The following CHRM3 variants were observed in gnomAD, a reference collection of about 807,000 sequenced individuals.
The protein encoded by CHRM3 is muscarinic acetylcholine receptor M3.
A neutral mutation model predicts 41.8 loss-of-function variants in CHRM3; 11 were observed. That is an observed-to-expected ratio of 0.26 (90% CI 0.17 to 0.44). The LOEUF (loss-of-function observed/expected upper bound fraction) is 0.44, where lower values mean the gene tolerates loss of function less well. CHRM3 is among the 20% of genes least tolerant of loss of function. CHRM3 has a pLI of 1.00. For synonymous variants in CHRM3, 297 were observed against 301.4 expected (o/e 0.99, Z 0.15); for missense variants, 571 against 745.4 (o/e 0.77, Z 2.72).
intron 3 of CHRM3, among the ~76,000 whole-genome samples, chr1:239,631,290 G>A (rs181594322): frequency 2.5e-4 from 38 of 152,174 alleles, no homozygotes; most frequent in African/African-American, 7.2e-4. Flanking sequence ...GATGACACTC[G>A]CAGAGGTTTC....
intron 3 of CHRM3, among the ~76,000 whole-genome samples, chr1:239,609,522 G>A (rs1227582961): frequency 2.0e-5 from 3 of 152,210 alleles, no homozygotes; most frequent in Admixed American, 6.5e-5. Flanking sequence ...GGAGTAGAAT[G>A]TCTGGTTGTA....
chr1:239,838,320 G>A (rs1673498121), intron 6 of CHRM3, among the ~76,000 whole-genome samples: 1 of 152,094 alleles, frequency 6.6e-6, no homozygotes, highest in Non-Finnish European at 1.5e-5. Context: ...GAAGGTGTTT[G>A]GGCAGAAAGG....
At chr1:239,565,824 A>G (rs753704525) in intron 3 of CHRM3, among the ~76,000 whole-genome samples, 1 of 152,056 alleles carries the variant, frequency 6.6e-6, no homozygotes, top group Non-Finnish European at 1.5e-5. Context: ...ATCACTTCCA[A>G]TAGAGAAAAT....
chr1:239,612,799 G>A (rs1455116843), intron 3 of CHRM3, among the ~76,000 whole-genome samples: 3 of 152,272 alleles, frequency 2.0e-5, no homozygotes, highest in East Asian at 1.9e-4. Context: ...GTAGAACTGC[G>A]TATTGATCAG....
intron 5 of CHRM3, among the ~76,000 whole-genome samples, chr1:239,715,374 G>A (rs1300145240): frequency 6.6e-6 from 1 of 152,142 alleles, no homozygotes; most frequent in East Asian, 1.9e-4. Flanking sequence ...CGTGTGTGCA[G>A]TGGTGTTCTG....
intron 3 of CHRM3, among the ~76,000 whole-genome samples, chr1:239,615,152 T>C (rs986337063): frequency 1.3e-5 from 2 of 152,188 alleles, no homozygotes; most frequent in Non-Finnish European, 2.9e-5. Flanking sequence ...TCTCGTCATA[T>C]AAAAATAGTA....
intron 4 of CHRM3, among the ~76,000 whole-genome samples, chr1:239,652,133 G>T (rs1672302646): frequency 6.6e-6 from 1 of 152,078 alleles, no homozygotes; most frequent in Admixed American, 6.6e-5. Context: ...TCAGCTTTTT[G>T]AATGTGAATC....
chr1:239,907,444 G>A lies in CHRM3; in HGVS notation c.-8G>A. ...TCTCTTTCCCCCAGACTATGTCAGA[G>A]AGTCACAATGACCTTGCACAATAAC... On this transcript the variant is annotated 5_prime_UTR_variant, in exon 7 of 7. Transcript: ENST00000676153. The surrounding 1 kb of genome is among the most constrained non-coding windows in gnomAD (Gnocchi z 5.4). 1 of 1,606,558 alleles carries A rather than the reference G, an allele frequency of 6.2e-7. No individual in the cohort carries two copies. The highest frequency in any genetic ancestry group is 8.5e-7 in the Non-Finnish European group (1 of 1,174,712).
At chr1:239,565,318 C>T (rs1046820249) in intron 3 of CHRM3, among the ~76,000 whole-genome samples, 5 of 152,032 alleles carry the variant, frequency 3.3e-5, no homozygotes, top group African/African-American at 7.2e-5. Flanking sequence ...ATATAGTATC[C>T]GATTCTCAAG....
intron 1 of CHRM3, among the ~76,000 whole-genome samples, chr1:239,419,456 C>T (rs1661764654): frequency 6.8e-6 from 1 of 147,028 alleles, no homozygotes; most frequent in African/African-American, 2.5e-5. Flanking sequence ...GTAGATATAA[C>T]TTGTCTTGAC....
At chr1:239,802,478 G>T (rs1439014421) in intron 5 of CHRM3, among the ~76,000 whole-genome samples, 1 of 152,266 alleles carries the variant, frequency 6.6e-6, no homozygotes, top group Non-Finnish European at 1.5e-5. Context: ...CCATCAAAAG[G>T]CTTCTCAGTG....
At chr1:239,642,075 A>C (rs1018781804) in intron 4 of CHRM3, among the ~76,000 whole-genome samples, 1 of 127,364 alleles carries the variant, frequency 7.9e-6, no homozygotes, top group African/African-American at 3.2e-5. Flanking sequence ...CTTTTCTTTA[A>C]GAATGTTGAA....
chr1:239,908,279 G>C lies in CHRM3; in HGVS notation c.828G>C (p.Glu276Asp), dbSNP rs200451506. The C allele has an allele frequency of 7.7e-5, 124 of 1,614,122 alleles. No individual in the cohort carries two copies. In the South Asian group the frequency reaches 9.6e-4, roughly 12 times the overall value. Residue 276 changes from glutamate (E) to aspartate (D), a missense_variant, in exon 7 of 7, where the codon GAG becomes GAC. This residue lies in a region of CHRM3 where 153 missense variants were observed against 296.3 expected (regional missense o/e 0.52). Transcript: ENST00000676153. This position sits in a 1 kb window ranked among gnomAD's most constrained non-coding sequence, Gnocchi z 7.2. Reference sequence around the variant, plus strand: ...TGCAAGCCTCTGGGACAGAGGCAGAGACAGAAAACTTTGTCCACCCCACGG... The same window carrying C: ...TGCAAGCCTCTGGGACAGAGGCAGACACAGAAAACTTTGTCCACCCCACGG... ...AGLQASGTEA[E>D]TENFVHPTGS...
At chr1:239,475,639 A>T (rs1445678431) in intron 1 of CHRM3, among the ~76,000 whole-genome samples, 3 of 152,210 alleles carry the variant, frequency 2.0e-5, no homozygotes, top group Non-Finnish European at 4.4e-5. Context: ...TTTAGTTAAT[A>T]ACAATGTACC....
chr1:239,611,177 G>A (rs1466735481), intron 3 of CHRM3, among the ~76,000 whole-genome samples: 1 of 152,132 alleles, frequency 6.6e-6, no homozygotes, highest in African/African-American at 2.4e-5. Flanking sequence ...AATTTGAGCT[G>A]TAACTTTATT....
At chr1:239,430,674 GAT>G (rs10524306) in intron 1 of CHRM3, among the ~76,000 whole-genome samples, 77,674 of 149,550 alleles carry the variant, frequency 0.52, 20,353 homozygotes, top group South Asian at 0.63. Flanking sequence ...ACACATACTA[GAT>G]ATATATATAT....
At chr1:239,852,174 G>A (rs954225400) in intron 6 of CHRM3, among the ~76,000 whole-genome samples, 1 of 152,160 alleles carries the variant, frequency 6.6e-6, no homozygotes, top group African/African-American at 2.4e-5. Flanking sequence ...TGTTTCCCTG[G>A]TCAATTCCAG....
intron 2 of CHRM3, among the ~76,000 whole-genome samples, chr1:239,530,093 T>C (rs533285279): frequency 1.9e-4 from 29 of 152,118 alleles, no homozygotes; most frequent in Middle Eastern, 3.4e-3. Context: ...TTAGTAGAGA[T>C]GGGGTTTCAC....
At chr1:239,812,953 C>A (rs1671231677) in intron 5 of CHRM3, among the ~76,000 whole-genome samples, 1 of 152,186 alleles carries the variant, frequency 6.6e-6, no homozygotes, top group African/African-American at 2.4e-5. Context: ...CGGTCTCTTG[C>A]AGAAAGCTGG....
Sources: allele counts gnomAD v4.1 joint callset (sites outside exome capture counted in the v4.1 genomes callset), GRCh38; gene constraint gnomAD v4.1.1; regional missense constraint gnomAD v4.1.1; non-coding constraint Gnocchi (gnomAD v3.1); transcripts MANE v1.5; gene names NCBI Gene and HGNC (gene_info 2026-07-23, HGNC 2026-07-21).